The following KCNMB2 variants were observed in gnomAD, a reference collection of about 807,000 sequenced individuals.
KCNMB2 encodes calcium-activated potassium channel subunit beta-2.
In KCNMB2, 9 loss-of-function variants were observed where a neutral mutation model predicts 24.5. The observed-to-expected ratio is 0.37, with a 90% CI of 0.22 to 0.64. KCNMB2 has a LOEUF of 0.64. Ranked by LOEUF, KCNMB2 falls within the 30% of genes least tolerant of loss-of-function variation. KCNMB2 has a pLI of 0.63. For synonymous variants in KCNMB2, 109 were observed against 104.4 expected (o/e 1.04, Z -0.27); for missense variants, 226 against 284.3 (o/e 0.79, Z 1.47).
intron 1 of KCNMB2, among the ~76,000 whole-genome samples, chr3:178,582,085 A>G (rs958078059): frequency 3.4e-4 from 52 of 152,348 alleles, no homozygotes; most frequent in African/African-American, 1.1e-3. Flanking sequence ...AGCACTGTCC[A>G]CAATAGCAAA....
intron 1 of KCNMB2, among the ~76,000 whole-genome samples, chr3:178,593,574 A>G (rs1308143232): frequency 6.6e-6 from 1 of 151,964 alleles, no homozygotes; most frequent in Non-Finnish European, 1.5e-5. Context: ...AACTGGTGAC[A>G]AAGTTTTATT....
intron 1 of KCNMB2, among the ~76,000 whole-genome samples, chr3:178,625,920 C>T (rs534896101): frequency 1.3e-5 from 2 of 152,180 alleles, no homozygotes; most frequent in Admixed American, 1.3e-4. Flanking sequence ...CTTGATCTTG[C>T]CATAAGTATT....
chr3:178,760,718 G>T (rs1711825691), intron 1 of KCNMB2, among the ~76,000 whole-genome samples: 2 of 151,834 alleles, frequency 1.3e-5, no homozygotes, highest in South Asian at 4.1e-4. Flanking sequence ...GATGGGTGTA[G>T]TGAGGAAAGG....
chr3:178,721,652 C>T (rs1018032293), intron 1 of KCNMB2, among the ~76,000 whole-genome samples: 4 of 152,196 alleles, frequency 2.6e-5, no homozygotes, highest in African/African-American at 7.2e-5. Flanking sequence ...AACTACCACA[C>T]TGTGGATGAG....
chr3:178,570,605 G>GT (rs1716742931), intron 1 of KCNMB2, among the ~76,000 whole-genome samples: 2 of 138,234 alleles, frequency 1.4e-5, no homozygotes, highest in South Asian at 4.6e-4. Flanking sequence ...TTAGTCCTCA[G>GT]TTCTTTTCAC....
chr3:178,682,599 A>C (rs1424269807), intron 1 of KCNMB2, among the ~76,000 whole-genome samples: 1 of 152,158 alleles, frequency 6.6e-6, no homozygotes, highest in African/African-American at 2.4e-5. Flanking sequence ...ATAAATGGCT[A>C]ATTAATTTTG....
At position 178,671,672 on chromosome 3, in the gene KCNMB2, G is replaced by A. The variant is rs543183367; in HGVS notation, c.-68+134961G>A. On this transcript the variant is annotated intron_variant, in intron 1 of 4. Coordinates refer to ENST00000452583, the MANE Select transcript of KCNMB2 (RefSeq NM_181361.3). ...GAAAGGCTGCATTGCATTAGACAGC[G>A]TGCATTTCAGGCCACGTCACCCTGC... Among the ~76,000 whole-genome samples, 5 of 152,266 alleles carry A rather than the reference G, an allele frequency of 3.3e-5. No individual in the cohort carries two copies. In the South Asian group the frequency reaches 6.2e-4, roughly 19 times the overall value.
Position 178,695,291 on chromosome 3 carries a change from T to C in KCNMB2, c.-67-112052T>C, listed in dbSNP as rs113075702. On this transcript the variant is annotated intron_variant, in intron 1 of 4. Coordinates refer to ENST00000452583, the MANE Select transcript of KCNMB2 (RefSeq NM_181361.3). The stretch of plus-strand genomic sequence containing the variant: ...GCTCAGGAAACCTTTTTTCCCTCCT[T>C]GGCCTCCAGGCCTGTGATGGAAGGG... Among the ~76,000 whole-genome samples, 253 of 150,978 alleles carry C rather than the reference T, an allele frequency of 1.7e-3. 1 individual carries two copies. Among genetic ancestry groups the C allele is most frequent in the African/African-American group, 5.8e-3 (242 of 41,444 alleles).
At chr3:178,736,274 T>A (rs1030444354) in intron 1 of KCNMB2, among the ~76,000 whole-genome samples, 1 of 152,202 alleles carries the variant, frequency 6.6e-6, no homozygotes, top group Admixed American at 6.5e-5. Flanking sequence ...TCAATAACCT[T>A]ACTTAAAAGA....
At chr3:178,707,384 GA>G (rs1191137770) in intron 1 of KCNMB2, among the ~76,000 whole-genome samples, 3 of 152,090 alleles carry the variant, frequency 2.0e-5, no homozygotes, top group African/African-American at 7.2e-5. Flanking sequence ...CTACTACTTG[GA>G]AAAATCAGAA....
rs1425174593 is a variant in KCNMB2, at chr3:178,842,776, AAG to A, written c.550_551del (p.Ser184CysfsTer44). 2.5e-6 allele frequency: 4 copies of A among 1,613,854 alleles called. No individual in the cohort carries two copies. The highest frequency in any genetic ancestry group is 3.4e-6 in the Non-Finnish European group (4 of 1,179,852). On this transcript the variant is annotated frameshift_variant, in exon 5 of 5. Transcript: ENST00000452583. LOFTEE classifies it high-confidence loss of function. ...SCYSDPEGNQKSVILTKLYSS... is the reference protein window; with the variant it reads ...SCYSDPEGNQXSVILTKLYSS... ...CTATTCTGACCCAGAAGGAAACCAG[AAG>A]AGTGTTATCCTAACAAAACTCTACA...
chr3:178,801,039 G>A (rs1317599098), intron 1 of KCNMB2, among the ~76,000 whole-genome samples: 1 of 152,018 alleles, frequency 6.6e-6, no homozygotes, highest in Non-Finnish European at 1.5e-5. Flanking sequence ...AGGAAAGTCA[G>A]GAATGGAGGG....
At chr3:178,740,594 C>T (rs1723464086) in intron 1 of KCNMB2, among the ~76,000 whole-genome samples, 1 of 152,178 alleles carries the variant, frequency 6.6e-6, no homozygotes, top group Non-Finnish European at 1.5e-5. Context: ...GTATGCCATA[C>T]AAAATATATA....
At chr3:178,745,696 C>T (rs1217582218) in intron 1 of KCNMB2, among the ~76,000 whole-genome samples, 1 of 152,218 alleles carries the variant, frequency 6.6e-6, no homozygotes, top group Non-Finnish European at 1.5e-5. Flanking sequence ...TTCCTAGATA[C>T]AATGGGGGTA....
intron 1 of KCNMB2, among the ~76,000 whole-genome samples, chr3:178,559,823 AC>A: frequency 6.6e-6 from 1 of 150,638 alleles, no homozygotes; most frequent in East Asian, 1.9e-4. Flanking sequence ...TGTTTAAGAA[AC>A]CTTTCATTTT....
intron 1 of KCNMB2, among the ~76,000 whole-genome samples, chr3:178,543,009 C>T (rs996238923): frequency 6.6e-6 from 1 of 152,178 alleles, no homozygotes; most frequent in Admixed American, 6.5e-5. Flanking sequence ...TGCATACTGC[C>T]TATGACCTAT....
In KCNMB2 at chr3:178,552,101, G is replaced by T. The variant is rs140955148; in HGVS notation, c.-68+15390G>T. The stretch of plus-strand genomic sequence containing the variant: ...AACCCAGGCAATCTGCTTTCCTGTG[G>T]ATCAAAATCTATCTTAGAATTCCCT... On this transcript the variant is annotated intron_variant, in intron 1 of 4. Transcript: ENST00000452583. 1.1e-3 allele frequency among the ~76,000 whole-genome samples: 165 copies of T among 152,266 alleles called. 1 individual carries two copies. Among genetic ancestry groups the T allele is most frequent in the Admixed American group, 2.4e-3 (36 of 15,298 alleles).
At chr3:178,558,877 T>C (rs1716215256) in intron 1 of KCNMB2, 2 of 152,188 alleles carry the variant, frequency 1.3e-5, no homozygotes, top group South Asian at 4.1e-4. Flanking sequence ...TATCCAAGTA[T>C]GCAGTACGCT....
chr3:178,778,543 G>A (rs1192465598), intron 1 of KCNMB2, among the ~76,000 whole-genome samples: 1 of 150,732 alleles, frequency 6.6e-6, no homozygotes, highest in Non-Finnish European at 1.5e-5. Context: ...AGTAAAGCAT[G>A]TCTCAAATCT....
Sources: gnomAD v4.1 joint callset for allele counts (sites outside exome capture counted in the v4.1 genomes callset) on GRCh38, gnomAD v4.1.1 for gene constraint, MANE v1.5 for transcripts, NCBI Gene and HGNC (gene_info 2026-07-23, HGNC 2026-07-21) for gene names.